GABRA6: variants seen among roughly 807,000 people sequenced by gnomAD.
GABRA6 encodes gamma-aminobutyric acid receptor subunit alpha-6.
Under a neutral mutation model 47.3 loss-of-function variants are expected in GABRA6, and 45 were observed. The observed-to-expected ratio is 0.95, with a 90% CI of 0.75 to 1.22. The LOEUF (loss-of-function observed/expected upper bound fraction) is 1.22, where lower values mean the gene tolerates loss of function less well. Ranked by LOEUF, GABRA6 falls within the 50% of genes most tolerant of loss-of-function variation. GABRA6 has a pLI of 0.00. For synonymous variants in GABRA6, 219 were observed against 194.7 expected (o/e 1.12, Z -1.04); for missense variants, 583 against 549.3 (o/e 1.06, Z -0.61).
At chr5:161,698,475 G>T (rs1754920116) in intron 8 of GABRA6, among the ~76,000 whole-genome samples, 1 of 151,758 alleles carries the variant, frequency 6.6e-6, no homozygotes, top group Non-Finnish European at 1.5e-5. Context: ...GACATATTTT[G>T]AAAATGATTT....
At position 161,690,885 on chromosome 5, in the gene GABRA6, C is replaced by T. The variant is rs74295606; in HGVS notation, c.826+532C>T. Reference sequence around the variant, plus strand: ...AACTGGAAACATCAGTGACACATTCCAGTGTTTTTCCTGGGTTTAATGTTT... The same window carrying T: ...AACTGGAAACATCAGTGACACATTCTAGTGTTTTTCCTGGGTTTAATGTTT... On this transcript the variant is annotated intron_variant, in intron 7 of 8. Transcript: ENST00000274545. Among the ~76,000 whole-genome samples the T allele has an allele frequency of 1.1e-4, 16 of 152,100 alleles. No individual in the cohort carries two copies. In the East Asian group the frequency reaches 2.9e-3, roughly 28 times the overall value.
intron 8 of GABRA6, among the ~76,000 whole-genome samples, chr5:161,701,073 A>G (rs1389636779): frequency 1.3e-5 from 2 of 152,174 alleles, no homozygotes; most frequent in Non-Finnish European, 2.9e-5. Context: ...ATTTTTTTGT[A>G]CTAATTGTCC....
Position 161,686,979 on chromosome 5 carries a change from T to C in GABRA6, c.201T>C (p.Phe67=). 1.2e-6 allele frequency: 2 copies of C among 1,613,984 alleles called. No homozygotes were observed. Among genetic ancestry groups the C allele is most frequent in the Non-Finnish European group, 1.7e-6 (2 of 1,179,898 alleles). The change falls in exon 3 of 9, where the codon TTT becomes TTC. Residue 67 remains phenylalanine (F), a synonymous_variant. Coordinates refer to ENST00000274545, the MANE Select transcript of GABRA6 (RefSeq NM_000811.3). ...AAACAGACATTTATGTGACCAGTTT[T>C]GGGCCCGTGTCAGATGTGGAGATGG... ...EVKTDIYVTS[F]GPVSDVEMEY... is the part of the protein sequence containing the mutation.
intron 3 of GABRA6, 22 bp downstream of exon 3, chr5:161,687,025 T>C: frequency 1.2e-6 from 2 of 1,609,036 alleles, no homozygotes; most frequent in Non-Finnish European, 1.7e-6. Flanking sequence ...CTAAGTGAGT[T>C]GGGTGTTTTC....
Position 161,689,133 on chromosome 5 carries a change from G to T in GABRA6, c.410G>T (p.Arg137Ile), listed in dbSNP as rs2113069837. 2 of 1,613,970 alleles carry T rather than the reference G, an allele frequency of 1.2e-6. No homozygotes were observed. Among genetic ancestry groups the T allele is most frequent in the Middle Eastern group, 1.6e-4 (1 of 6,062 alleles). ...ATGACAACTCCTAATAAACTCTTCA[G>T]AATAATGCAGAATGGAACCATTTTA... ...HNMTTPNKLF[R>I]IMQNGTILYT... The change falls in exon 4 of 9, where the codon AGA becomes ATA. Residue 137 changes from arginine (R) to isoleucine (I), a missense_variant. Arg to Ile is a moderately conservative substitution (Grantham distance 97, BLOSUM62 -3). Coordinates refer to ENST00000274545, the MANE Select transcript of GABRA6 (RefSeq NM_000811.3).
intron 7 of GABRA6, among the ~76,000 whole-genome samples, chr5:161,691,125 A>G (rs919697010): frequency 3.9e-5 from 6 of 152,134 alleles, no homozygotes; most frequent in East Asian, 3.9e-4. Flanking sequence ...GATAAATTTT[A>G]TCTTCTAATG....
intron 8 of GABRA6, among the ~76,000 whole-genome samples, chr5:161,697,792 G>A (rs1326105911): frequency 6.6e-6 from 1 of 152,210 alleles, no homozygotes; most frequent in East Asian, 1.9e-4. Context: ...TAATTGTTAA[G>A]AGCGCGGTCT....
Position 161,692,174 on chromosome 5 carries a change from G to T in GABRA6, c.1060G>T (p.Glu354Ter). Residue 354 changes from glutamate (E) to a stop codon, truncating the protein, a stop_gained, in exon 8 of 9, where the codon GAA (glutamate) becomes TAA (stop). Coordinates refer to ENST00000274545, the MANE Select transcript of GABRA6 (RefSeq NM_000811.3). LOFTEE classifies it high-confidence loss of function. Reference sequence around the variant, plus strand: ...CACAGTGACAATATCAAAAGCTACTGAACCTTTGGAAGCTGAGATTGTTTT... The same window carrying T: ...CACAGTGACAATATCAAAAGCTACTTAACCTTTGGAAGCTGAGATTGTTTT... ...PPTVTISKAT[E>*]PLEAEIVLHP... is the part of the protein sequence containing the mutation. 6.2e-7 allele frequency: 1 copy of T among 1,614,148 alleles called. No homozygotes were observed. The highest frequency in any genetic ancestry group is 1.3e-5 in the African/African-American group (1 of 75,042).
chr5:161,695,899 T>C (rs965514881), intron 8 of GABRA6, among the ~76,000 whole-genome samples: 1 of 152,198 alleles, frequency 6.6e-6, no homozygotes, highest in East Asian at 1.9e-4. Context: ...AGTGCCTTTA[T>C]GTGCCAGGCC....
In GABRA6 at chr5:161,702,552, C is replaced by T. The variant is rs1051774228; in HGVS notation, c.*779C>T. Reference sequence around the variant, plus strand: ...CTATGGTTATCTCTTGTGTTTTCCACATTTCCAATTATAACACTAAATAAA... The same window carrying T: ...CTATGGTTATCTCTTGTGTTTTCCATATTTCCAATTATAACACTAAATAAA... On this transcript the variant is annotated 3_prime_UTR_variant, in exon 9 of 9. Transcript: ENST00000274545. 2 of 152,156 alleles carry T rather than the reference C, an allele frequency of 1.3e-5. No individual in the cohort carries two copies. The highest frequency in any genetic ancestry group is 4.8e-5 in the African/African-American group (2 of 41,438). The allele number at this position is 152,156 out of a possible 1,614,324, so 9.4% of individuals were successfully genotyped here. A position where few individuals can be genotyped will look rare whatever the true frequency, so the allele number is the denominator to read the frequency against.
chr5:161,690,468 C>T (rs2113072621), intron 7 of GABRA6, 115 bp downstream of exon 7: 1 of 1,041,282 alleles, frequency 9.6e-7, no homozygotes, highest in Non-Finnish European at 1.5e-6. Flanking sequence ...AAAATAGGTT[C>T]CTGTCTCATC....
At chr5:161,686,191 T>C in intron 1 of GABRA6, 39 bp from the exon 2 acceptor site, 2 of 1,518,788 alleles carry the variant, frequency 1.3e-6, no homozygotes, top group Non-Finnish European at 1.8e-6. Flanking sequence ...ACCTCTTCTC[T>C]GAGCCTGGGA....
At chr5:161,687,281 T>C in intron 3 of GABRA6, 3 of 455,908 alleles carry the variant, frequency 6.6e-6, no homozygotes, top group South Asian at 6.3e-5. Context: ...AGAGAAGAGA[T>C]TTTCCCCTTT....
Position 161,692,108 on chromosome 5 carries a change from A to T in GABRA6, c.994A>T (p.Thr332Ser), listed in dbSNP as rs1370081108. ...TGTCAACTACTTTACCAATCTTCAGACACAGAAGGCCAAAAGGAAGGCACA... is the reference window on the plus strand; with the variant it reads ...TGTCAACTACTTTACCAATCTTCAGTCACAGAAGGCCAAAAGGAAGGCACA... ...AAVNYFTNLQ[T>S]QKAKRKAQFA... The change falls in exon 8 of 9, where the codon ACA becomes TCA. Residue 332 changes from threonine (T) to serine (S), a missense_variant. Transcript: ENST00000274545. 6.2e-7 allele frequency: 1 copy of T among 1,614,156 alleles called. No homozygotes were observed. Among genetic ancestry groups the T allele is most frequent in the Non-Finnish European group, 8.5e-7 (1 of 1,180,000 alleles).
chr5:161,687,288 C>G (rs1436373558), intron 3 of GABRA6: 1 of 444,918 alleles, frequency 2.2e-6, no homozygotes, highest in African/African-American at 2.0e-5. Context: ...AGATTTTCCC[C>G]TTTCTTTGTG....
At chr5:161,688,801 C>G in intron 3 of GABRA6, 148 bp from the exon 4 acceptor site, 4 of 706,080 alleles carry the variant, frequency 5.7e-6, no homozygotes, top group Non-Finnish European at 4.9e-6. Context: ...ACAATAATAA[C>G]TAGCTAAAAT....
chr5:161,697,928 T>G (rs1350753012), intron 8 of GABRA6, among the ~76,000 whole-genome samples: 1 of 152,118 alleles, frequency 6.6e-6, no homozygotes, highest in East Asian at 1.9e-4. Flanking sequence ...TTTGAAGAAA[T>G]TCGTGAAATA....
chr5:161,700,331 T>G (rs1459147363), intron 8 of GABRA6, among the ~76,000 whole-genome samples: 2 of 152,152 alleles, frequency 1.3e-5, no homozygotes, highest in East Asian at 3.9e-4. Context: ...CAAGGCCATT[T>G]TACAATATCA....
chr5:161,689,579 G>GA (rs745531277), intron 5 of GABRA6, 57 bp from the exon 6 acceptor site: 9 of 1,472,234 alleles, frequency 6.1e-6, no homozygotes, highest in Non-Finnish European at 5.7e-6. Flanking sequence ...CACTTTGAAG[G>GA]AAAAAAAGAC....
Sources: allele counts gnomAD v4.1 joint callset (sites outside exome capture counted in the v4.1 genomes callset), GRCh38; gene constraint gnomAD v4.1.1; transcripts MANE v1.5; gene names NCBI Gene and HGNC (gene_info 2026-07-23, HGNC 2026-07-21).